The following FAM124A variants were observed in gnomAD, a reference collection of about 807,000 sequenced individuals.
The protein encoded by FAM124A is family with sequence similarity 124 member A, also known as protein FAM124A.
A neutral mutation model predicts 24.5 loss-of-function variants in FAM124A; 23 were observed. That is an observed-to-expected ratio of 0.94 (90% CI 0.68 to 1.33). The LOEUF is 1.33. Ranked by LOEUF, FAM124A falls within the 40% of genes most tolerant of loss-of-function variation. FAM124A has a pLI of 0.00. For missense variants in FAM124A, 623 were observed against 722.8 expected, an observed-to-expected ratio of 0.86 and a Z score of 1.58; for synonymous variants, 287 against 314.7, an observed-to-expected ratio of 0.91 and a Z score of 0.93.
At chr13:51,261,514 C>T (rs1954737991) in intron 3 of FAM124A, among the ~76,000 whole-genome samples, 1 of 152,036 alleles carries the variant, frequency 6.6e-6, no homozygotes. Context: ...GCCTTTTCAG[C>T]CCTGAGAGGA....
intron 3 of FAM124A, among the ~76,000 whole-genome samples, chr13:51,275,960 C>T (rs1566175642): frequency 1.3e-5 from 2 of 152,208 alleles, no homozygotes; most frequent in Middle Eastern, 3.4e-3. Flanking sequence ...ATTTTGTCTC[C>T]GAAGATGGCA....
intron 1 of FAM124A, among the ~76,000 whole-genome samples, chr13:51,224,235 G>A (rs1298326817): frequency 6.6e-6 from 1 of 152,266 alleles, no homozygotes; most frequent in Non-Finnish European, 1.5e-5. Flanking sequence ...TTGGGTGGCC[G>A]AGGTGGGCGG....
chr13:51,280,679 G>A lies in FAM124A; in HGVS notation c.1064G>A (p.Trp355Ter). Residue 355 changes from tryptophan to a stop codon, truncating the protein, a stop_gained, in exon 4 of 4, where the codon TGG (tryptophan) becomes TAG (stop). Coordinates refer to ENST00000322475, the MANE Select transcript of FAM124A (RefSeq NM_001242312.2). LOFTEE classifies it low-confidence loss of function (END_TRUNC). ...GRANSTPNPPWSFQRSKSLFC... is the reference protein window; with the variant it reads ...GRANSTPNPP Reference sequence around the variant, plus strand: ...GCCAACAGCACCCCCAACCCTCCCTGGTCTTTCCAGAGAAGCAAGTCCTTG... The same window carrying A: ...GCCAACAGCACCCCCAACCCTCCCTAGTCTTTCCAGAGAAGCAAGTCCTTG... 1 of 1,614,126 alleles carries A rather than the reference G, an allele frequency of 6.2e-7. No homozygotes were observed. Among genetic ancestry groups the A allele is most frequent in the Non-Finnish European group, 8.5e-7 (1 of 1,180,032 alleles).
At chr13:51,261,063 G>A (rs1954731189) in intron 3 of FAM124A, among the ~76,000 whole-genome samples, 1 of 152,212 alleles carries the variant, frequency 6.6e-6, no homozygotes, top group Non-Finnish European at 1.5e-5. Context: ...GAGGTACCTG[G>A]AGAGTGAACA....
intron 3 of FAM124A, among the ~76,000 whole-genome samples, chr13:51,254,517 A>T (rs1954656632): frequency 6.6e-6 from 1 of 152,174 alleles, no homozygotes; most frequent in African/African-American, 2.4e-5. Context: ...CATTCTTGGC[A>T]TTGCCTGATT....
Position 51,246,240 on chromosome 13 carries a change from T to C in FAM124A, c.101-5228T>C, listed in dbSNP as rs1379246031. Among the ~76,000 whole-genome samples, 4 of 152,160 alleles carry C rather than the reference T, an allele frequency of 2.6e-5. No homozygotes were observed. In the East Asian group the frequency reaches 7.7e-4, roughly 29 times the overall value. ...TCGCTAGGTCCTTTGAGAAGACATG[T>C]AATAGATATGATAAAGGCAGAGCAC... On this transcript the variant is annotated intron_variant, in intron 2 of 3. Coordinates refer to ENST00000322475, the MANE Select transcript of FAM124A (RefSeq NM_001242312.2).
Position 51,255,965 on chromosome 13 carries a change from C to T in FAM124A, c.834+3764C>T, listed in dbSNP as rs545250979. Among the ~76,000 whole-genome samples the T allele has an allele frequency of 8.5e-5, 13 of 152,346 alleles. No homozygotes were observed. In the South Asian group the frequency reaches 2.7e-3, roughly 32 times the overall value. On this transcript the variant is annotated intron_variant, in intron 3 of 3. Transcript: ENST00000322475. ...CCCAGCCAGGTTCCTGGAGCCTATT[C>T]TCTATGTGATAGGTAAAGGACAGGC...
At chr13:51,240,884 C>T (rs376058235) in intron 2 of FAM124A, among the ~76,000 whole-genome samples, 2 of 152,242 alleles carry the variant, frequency 1.3e-5, no homozygotes, top group East Asian at 3.9e-4. Context: ...ATGATCCTTT[C>T]TCAGAACGCT....
chr13:51,244,939 G>A (rs190258507), intron 2 of FAM124A, among the ~76,000 whole-genome samples: 34 of 152,304 alleles, frequency 2.2e-4, no homozygotes, highest in African/African-American at 7.5e-4. Flanking sequence ...AAAAACCAAC[G>A]CGATGATTCC....
intron 1 of FAM124A, chr13:51,225,211 A>C (rs547653196): frequency 6.6e-6 from 1 of 152,336 alleles, no homozygotes; most frequent in African/African-American, 2.4e-5. Flanking sequence ...GAGGTGTTGC[A>C]AGACATCCAA....
chr13:51,238,878 A>G (rs1434574272), intron 2 of FAM124A, among the ~76,000 whole-genome samples: 1 of 152,264 alleles, frequency 6.6e-6, no homozygotes, highest in African/African-American at 2.4e-5. Context: ...GGGTAAGGAC[A>G]GTATATGACA....
chr13:51,232,510 A>C (rs770676685), intron 2 of FAM124A, among the ~76,000 whole-genome samples: 1 of 152,216 alleles, frequency 6.6e-6, no homozygotes, highest in Non-Finnish European at 1.5e-5. Flanking sequence ...CTGAGCAGAT[A>C]GTTTTATATC....
rs185374953 is a variant in FAM124A, at chr13:51,250,820, T to C, written c.101-648T>C. ...CATGATCTTGGCCAGGACCCCACAA[T>C]AGGGGACACTGTGGGCAGGACTCAT... On this transcript the variant is annotated intron_variant, in intron 2 of 3. Coordinates refer to ENST00000322475, the MANE Select transcript of FAM124A (RefSeq NM_001242312.2). 2.0e-5 allele frequency among the ~76,000 whole-genome samples: 3 copies of C among 152,252 alleles called. No individual in the cohort carries two copies. In the East Asian group the frequency reaches 5.8e-4, roughly 29 times the overall value.
At chr13:51,234,821 A>ACTT (rs1954418694) in intron 2 of FAM124A, among the ~76,000 whole-genome samples, 1 of 152,164 alleles carries the variant, frequency 6.6e-6, no homozygotes, top group African/African-American at 2.4e-5. Flanking sequence ...AATCAACCCG[A>ACTT]GCTTCTCTGA....
intron 3 of FAM124A, among the ~76,000 whole-genome samples, chr13:51,279,119 A>T (rs749153013): frequency 3.3e-5 from 5 of 152,248 alleles, no homozygotes; most frequent in Non-Finnish European, 7.3e-5. Flanking sequence ...AAAATAAGAT[A>T]GACATTTGAA....
At chr13:51,233,688 C>A (rs1177187639) in intron 2 of FAM124A, among the ~76,000 whole-genome samples, 1 of 151,948 alleles carries the variant, frequency 6.6e-6, no homozygotes, top group Non-Finnish European at 1.5e-5. Flanking sequence ...CTTGAGCAGT[C>A]AGTGAAGAGT....
intron 2 of FAM124A, chr13:51,245,329 C>T (rs536256792): frequency 1.2e-5 from 8 of 684,786 alleles, no homozygotes; most frequent in African/African-American, 5.4e-5. Context: ...CTCCACCTGG[C>T]GGATGCCATG....
chr13:51,230,722 G>A (rs1307214816), intron 1 of FAM124A, among the ~76,000 whole-genome samples: 2 of 152,180 alleles, frequency 1.3e-5, no homozygotes, highest in Non-Finnish European at 2.9e-5. Context: ...CTGAAAGGGC[G>A]ATTTCACCCC....
Position 51,272,318 on chromosome 13 carries a change from C to T in FAM124A, c.835-8132C>T, listed in dbSNP as rs1322889746. Among the ~76,000 whole-genome samples the T allele has an allele frequency of 1.3e-5, 2 of 152,166 alleles. No homozygotes were observed. The highest frequency in any genetic ancestry group is 1.3e-4 in the Admixed American group (2 of 15,278). On this transcript the variant is annotated intron_variant, in intron 3 of 3. Coordinates refer to ENST00000322475, the MANE Select transcript of FAM124A (RefSeq NM_001242312.2). This position sits in a 1 kb window ranked among gnomAD's most constrained non-coding sequence, Gnocchi z 4.2. ...CCAAACCACACTCCCCTCCTGCCCG[C>T]ACTGATTGTCTCTTGTCTTTATCAT... is the stretch of plus-strand genomic sequence containing the variant.
Sources: allele counts gnomAD v4.1 joint callset (sites outside exome capture counted in the v4.1 genomes callset), GRCh38; gene constraint gnomAD v4.1.1; non-coding constraint Gnocchi (gnomAD v3.1); transcripts MANE v1.5; gene names NCBI Gene and HGNC (gene_info 2026-07-23, HGNC 2026-07-21).